Variants in STN1 observed in about 807,000 individuals in gnomAD.
The protein encoded by STN1 is STN1 subunit of CST complex, also known as CST complex subunit STN1.
In STN1, 29 loss-of-function variants were observed where a neutral mutation model predicts 45.5. The ratio of observed to expected loss-of-function variants is 0.64; its 90% CI spans 0.47 to 0.87. The LOEUF (loss-of-function observed/expected upper bound fraction) is 0.87, where lower values mean the gene tolerates loss of function less well. STN1 is among the 40% of genes least tolerant of loss of function. The pLI, the probability that STN1 is intolerant of heterozygous loss-of-function variation, is 0.00. For synonymous variants in STN1, 148 were observed against 159.0 expected, an observed-to-expected ratio of 0.93 and a Z score of 0.52; for missense variants, 376 against 441.4, an observed-to-expected ratio of 0.85 and a Z score of 1.33.
chr10:103,914,537 AGACACGGG>A (rs975677156), intron 2 of STN1, among the ~76,000 whole-genome samples: 2 of 151,566 alleles, frequency 1.3e-5, no homozygotes, highest in African/African-American at 4.9e-5. Flanking sequence ...TTTAAAACTC[AGACACGGG>A]GTCTCACTTT....
Position 103,881,069 on chromosome 10 carries a change from C to T in STN1, c.*1615G>A, listed in dbSNP as rs1369894595. Among the ~76,000 whole-genome samples, 3 of 152,154 alleles carry T rather than the reference C, an allele frequency of 2.0e-5. No homozygotes were observed. Among genetic ancestry groups the T allele is most frequent in the Non-Finnish European group, 2.9e-5 (2 of 68,028 alleles). Reference sequence around the variant, plus strand: ...CTAGGGACAGTGTGCCATGGCAACACTGTCTGTCTGCTTTCATCATTTTTT... The same window carrying T: ...CTAGGGACAGTGTGCCATGGCAACATTGTCTGTCTGCTTTCATCATTTTTT... On this transcript the variant is annotated 3_prime_UTR_variant, in exon 10 of 10. Coordinates refer to ENST00000224950, the MANE Select transcript of STN1 (RefSeq NM_024928.5).
At position 103,882,123 on chromosome 10, in the gene STN1, G is replaced by C. The variant is rs946766952; in HGVS notation, c.*561C>G. The stretch of plus-strand genomic sequence containing the variant: ...CCATCTCTGGGCAGGCCTGTAAAGA[G>C]CATCGACCCAGGTCTCAACCCCACT... On this transcript the variant is annotated 3_prime_UTR_variant, in exon 10 of 10. Transcript: ENST00000224950. Among the ~76,000 whole-genome samples the C allele has an allele frequency of 4.6e-5, 7 of 152,220 alleles. No homozygotes were observed. Among genetic ancestry groups the C allele is most frequent in the African/African-American group, 1.7e-4 (7 of 41,452 alleles).
chr10:103,904,550 T>C (rs995830892), intron 4 of STN1, among the ~76,000 whole-genome samples: 1 of 152,194 alleles, frequency 6.6e-6, no homozygotes, highest in African/African-American at 2.4e-5. Flanking sequence ...AATTTTAAAG[T>C]TCTTTTAATT....
intron 4 of STN1, among the ~76,000 whole-genome samples, chr10:103,904,668 T>C (rs866828623): frequency 6.6e-6 from 1 of 152,328 alleles, no homozygotes; most frequent in Middle Eastern, 3.4e-3. Flanking sequence ...ATCTGGACCA[T>C]GGCAGCACAG....
chr10:103,895,967 A>G (rs936340069), intron 7 of STN1, among the ~76,000 whole-genome samples: 12 of 152,192 alleles, frequency 7.9e-5, no homozygotes, highest in Non-Finnish European at 1.8e-4. Flanking sequence ...GTCTCATAGT[A>G]TACTACGCCA....
chr10:103,890,816 C>T (rs974562762), intron 8 of STN1, among the ~76,000 whole-genome samples: 30 of 152,320 alleles, frequency 2.0e-4, no homozygotes, highest in African/African-American at 6.7e-4. Context: ...AAAAGCTCCC[C>T]GTCAGGAATC....
chr10:103,882,826 C>T lies in STN1; in HGVS notation c.965G>A (p.Cys322Tyr), dbSNP rs756219814. Residue 322 changes from cysteine (C) to tyrosine (Y), a missense_variant, in exon 10 of 10, where the codon TGT becomes TAT. By Grantham distance (194) the Cys-to-Tyr change is radical. Coordinates refer to ENST00000224950, the MANE Select transcript of STN1 (RefSeq NM_024928.5). ...ACAGGCCAAGATGTGCAGGAAGTGA[C>T]AGCCCTTCTCCATGTCTGCAGGAAA... Reference protein sequence around the residue: ...CQKPNHMEKGCHFLHILACAR... With the variant: ...CQKPNHMEKGYHFLHILACAR... 1 of 1,612,336 alleles carries T rather than the reference C, an allele frequency of 6.2e-7. No homozygotes were observed. Among genetic ancestry groups the T allele is most frequent in the South Asian group, 1.1e-5 (1 of 90,900 alleles).
intron 7 of STN1, among the ~76,000 whole-genome samples, chr10:103,896,300 G>A (rs1221325035): frequency 6.6e-6 from 1 of 152,138 alleles, no homozygotes; most frequent in Non-Finnish European, 1.5e-5. Context: ...TCTGATGGAG[G>A]AATAGGCAAG....
rs1231317796 is a variant in STN1 at position 103,881,648 on chromosome 10, TCA to T, written c.*1034_*1035del. 6.6e-6 allele frequency among the ~76,000 whole-genome samples: 1 copy of T among 152,178 alleles called. No individual in the cohort carries two copies. ...CTCCAGCTGAGCCACGAAGAGCTTA[TCA>T]CATCAAGAGCAAATGCAGCAGACGA... On this transcript the variant is annotated 3_prime_UTR_variant, in exon 10 of 10. Transcript: ENST00000224950.
chr10:103,906,145 TGGGTTTC>T (rs1843239183), intron 3 of STN1, among the ~76,000 whole-genome samples: 1 of 152,194 alleles, frequency 6.6e-6, no homozygotes, highest in African/African-American at 2.4e-5. Context: ...AAATCCTAGA[TGGGTTTC>T]ATTTTATTAA....
intron 8 of STN1, among the ~76,000 whole-genome samples, chr10:103,889,680 GTCTTTT>G (rs1410276765): frequency 6.9e-6 from 1 of 145,012 alleles, no homozygotes; most frequent in African/African-American, 2.5e-5. Flanking sequence ...ACATAACTTA[GTCTTTT>G]TCTTTTTCCT....
At chr10:103,904,934 G>A (rs1482651592) in intron 4 of STN1, among the ~76,000 whole-genome samples, 157 bp downstream of exon 4, 1 of 152,230 alleles carries the variant, frequency 6.6e-6, no homozygotes, top group African/African-American at 2.4e-5. Context: ...TCAGTTTTCA[G>A]AGCAGCCAAA....
At chr10:103,915,104 T>C (rs1223842557) in intron 2 of STN1, among the ~76,000 whole-genome samples, 1 of 152,182 alleles carries the variant, frequency 6.6e-6, no homozygotes, top group Non-Finnish European at 1.5e-5. Context: ...TAAGGCAGGG[T>C]CTGGGAGGGC....
chr10:103,917,468 C>A lies in STN1; in HGVS notation c.127G>T (p.Val43Leu), dbSNP rs780839582. 39 of 1,613,222 alleles carry A rather than the reference C, an allele frequency of 2.4e-5. No individual in the cohort carries two copies. Among genetic ancestry groups the A allele is most frequent in the Non-Finnish European group, 3.4e-6 (4 of 1,179,652 alleles). The change falls in exon 2 of 10, where the codon GTG becomes TTG. Residue 43 changes from valine to leucine, a missense_variant. Coordinates refer to ENST00000224950, the MANE Select transcript of STN1 (RefSeq NM_024928.5). ...DILDMKESRQ[V>L]PGVFLYNGHP... ...AGGGTGGCTAGCCACATACCTGGCA[C>A]CTGGCGGGACTCCTTCATGTCCAGG...
chr10:103,916,680 G>A (rs986834860), intron 2 of STN1, among the ~76,000 whole-genome samples: 18 of 151,980 alleles, frequency 1.2e-4, no homozygotes, highest in African/African-American at 3.9e-4. Flanking sequence ...GTAAACATGT[G>A]GCTATTTGTG....
intron 2 of STN1, among the ~76,000 whole-genome samples, chr10:103,912,132 AAG>A (rs1843296000): frequency 1.3e-5 from 2 of 152,034 alleles, no homozygotes; most frequent in African/African-American, 2.4e-5. Context: ...CACCCCCAAA[AAG>A]AGAGTCACCT....
chr10:103,883,268 C>G (rs1270026381), intron 9 of STN1, among the ~76,000 whole-genome samples: 2 of 151,724 alleles, frequency 1.3e-5, no homozygotes, highest in Middle Eastern at 3.2e-3. Flanking sequence ...CCGTATGCTT[C>G]CCCCTAAGTC....
rs1296741886 is a variant in STN1 at position 103,880,041 on chromosome 10, C to T, written c.*2643G>A. Among the ~76,000 whole-genome samples, 4 of 152,190 alleles carry T rather than the reference C, an allele frequency of 2.6e-5. No homozygotes were observed. Among genetic ancestry groups the T allele is most frequent in the African/African-American group, 7.2e-5 (3 of 41,444 alleles). On this transcript the variant is annotated 3_prime_UTR_variant, in exon 10 of 10. Coordinates refer to ENST00000224950, the MANE Select transcript of STN1 (RefSeq NM_024928.5). ...ATGCTACCTGCTGCAGGAGACGGCC[C>T]GCCCACTTCACCCGCCTGGGCCAAG...
intron 3 of STN1, among the ~76,000 whole-genome samples, 159 bp downstream of exon 3, chr10:103,910,368 C>T (rs1193999397): frequency 6.6e-6 from 1 of 151,164 alleles, no homozygotes; most frequent in Non-Finnish European, 1.5e-5. Context: ...TTATTCTTAG[C>T]CCGTGTCTGG....
Sources: gnomAD v4.1 joint callset for allele counts (sites outside exome capture counted in the v4.1 genomes callset) on GRCh38, gnomAD v4.1.1 for gene constraint, MANE v1.5 for transcripts, NCBI Gene and HGNC (gene_info 2026-07-23, HGNC 2026-07-21) for gene names.